The following CNTNAP5 variants were observed in gnomAD, a reference collection of about 807,000 sequenced individuals.
CNTNAP5 encodes contactin associated protein family member 5, also known as contactin-associated protein-like 5.
Under a neutral mutation model 150.2 loss-of-function variants are expected in CNTNAP5, and 72 were observed. The observed-to-expected ratio is 0.48, with a 90% CI of 0.40 to 0.58. CNTNAP5 has a LOEUF of 0.58. Ranked by LOEUF, CNTNAP5 falls within the 20% of genes least tolerant of loss-of-function variation. CNTNAP5 has a pLI of 0.00. For synonymous variants in CNTNAP5, 672 were observed against 619.8 expected (o/e 1.08, Z -1.25); for missense variants, 1,636 against 1,626.2 (o/e 1.01, Z -0.10).
chr2:124,503,354 A>T (rs1694320616), intron 7 of CNTNAP5, among the ~76,000 whole-genome samples: 1 of 152,214 alleles, frequency 6.6e-6, no homozygotes, highest in Admixed American at 6.5e-5. Context: ...TCTGGAACTG[A>T]GAACTGTACT....
chr2:124,768,210 T>C (rs554793414), intron 16 of CNTNAP5, among the ~76,000 whole-genome samples: 17 of 152,066 alleles, frequency 1.1e-4, no homozygotes, highest in Non-Finnish European at 5.9e-5. Context: ...TTTTTAAAAA[T>C]ACCTTGCAGA....
intron 10 of CNTNAP5, among the ~76,000 whole-genome samples, chr2:124,533,388 T>TGCATTTCTAAGAAATTC (rs1297874149): frequency 6.6e-6 from 1 of 152,168 alleles, no homozygotes; most frequent in Non-Finnish European, 1.5e-5. Flanking sequence ...CCTGGAAATT[T>TGCATTTCTAAGAAATTC]GCATTTCTAA....
chr2:124,489,014 C>T (rs1210277968), intron 7 of CNTNAP5, among the ~76,000 whole-genome samples: 1 of 152,170 alleles, frequency 6.6e-6, no homozygotes, highest in South Asian at 2.1e-4. Context: ...GATGTGGCTT[C>T]TCCAGTCAAT....
At position 124,044,298 on chromosome 2, in the gene CNTNAP5, A is replaced by T. The variant is rs991526798; in HGVS notation, c.82+18566A>T. ...AAATTTATGTTTAGAGTGTCCAAGT[A>T]ACTTTCTTAACTTTATACAATTATT... On this transcript the variant is annotated intron_variant, in intron 1 of 23. Coordinates refer to ENST00000682447, the MANE Select transcript of CNTNAP5 (RefSeq NM_001367498.1). Among the ~76,000 whole-genome samples the T allele has an allele frequency of 4.6e-5, 7 of 152,122 alleles. 1 individual carries two copies. Among genetic ancestry groups the T allele is most frequent in the Non-Finnish European group, 7.4e-5 (5 of 68,018 alleles).
At chr2:124,447,707 A>G (rs193003280) in intron 6 of CNTNAP5, among the ~76,000 whole-genome samples, 1 of 152,176 alleles carries the variant, frequency 6.6e-6, no homozygotes, top group South Asian at 2.1e-4. Flanking sequence ...TTATGTATTT[A>G]TATAGGAAAC....
intron 3 of CNTNAP5, among the ~76,000 whole-genome samples, chr2:124,253,164 C>T (rs1687228656): frequency 6.6e-6 from 1 of 151,764 alleles, no homozygotes; most frequent in Admixed American, 6.6e-5. Context: ...ATTTTTTTCT[C>T]ATTAATGTTA....
chr2:124,642,125 A>G (rs1389675849), intron 12 of CNTNAP5, among the ~76,000 whole-genome samples: 1 of 152,206 alleles, frequency 6.6e-6, no homozygotes, highest in South Asian at 2.1e-4. Context: ...GGTAGGTCAC[A>G]CAGAGATGCA....
chr2:124,862,149 A>G lies in CNTNAP5; in HGVS notation c.3218-3157A>G, dbSNP rs113764203. 4.0e-3 allele frequency among the ~76,000 whole-genome samples: 603 copies of G among 152,302 alleles called. 3 individuals are homozygous for G. Among genetic ancestry groups the G allele is most frequent in the African/African-American group, 0.013 (559 of 41,560 alleles). On this transcript the variant is annotated intron_variant, in intron 19 of 23. Coordinates refer to ENST00000682447, the MANE Select transcript of CNTNAP5 (RefSeq NM_001367498.1). ...TTTAAACTAAGTTTTATTTTAAGCTAAGGCTCAAATCTCTTTTATTGTTAA... is the reference window on the plus strand; with the variant it reads ...TTTAAACTAAGTTTTATTTTAAGCTGAGGCTCAAATCTCTTTTATTGTTAA...
At chr2:124,088,356 C>T (rs1258928638) in intron 1 of CNTNAP5, among the ~76,000 whole-genome samples, 1 of 151,796 alleles carries the variant, frequency 6.6e-6, no homozygotes, top group African/African-American at 2.4e-5. Flanking sequence ...CATTTGTTTC[C>T]AGCGTGTTCA....
chr2:124,389,538 T>C (rs1212312692), intron 3 of CNTNAP5, among the ~76,000 whole-genome samples: 1 of 152,232 alleles, frequency 6.6e-6, no homozygotes, highest in Non-Finnish European at 1.5e-5. Flanking sequence ...GTTTAACAAA[T>C]GAGTTAATTA....
intron 5 of CNTNAP5, among the ~76,000 whole-genome samples, chr2:124,442,900 A>G (rs1379910599): frequency 6.6e-6 from 1 of 152,176 alleles, no homozygotes; most frequent in Non-Finnish European, 1.5e-5. Context: ...TCAGAAATGC[A>G]CTTTTTTAAC....
At chr2:124,735,484 T>C (rs1411945580) in intron 13 of CNTNAP5, among the ~76,000 whole-genome samples, 3 of 152,138 alleles carry the variant, frequency 2.0e-5, no homozygotes, top group Admixed American at 2.0e-4. Flanking sequence ...ATAGATAGAC[T>C]AATACAGTTG....
At chr2:124,065,669 AAGGATC>A (rs1278311236) in intron 1 of CNTNAP5, among the ~76,000 whole-genome samples, 3 of 152,124 alleles carry the variant, frequency 2.0e-5, no homozygotes, top group African/African-American at 7.2e-5. Context: ...TAATAACACA[AAGGATC>A]CAAATTTAGA....
chr2:124,621,908 G>A (rs570534409), intron 12 of CNTNAP5, among the ~76,000 whole-genome samples: 7 of 152,210 alleles, frequency 4.6e-5, no homozygotes, highest in African/African-American at 1.7e-4. Context: ...ATTTGGTACT[G>A]GTATCTCCTT....
intron 1 of CNTNAP5, among the ~76,000 whole-genome samples, chr2:124,050,773 A>G (rs912372139): frequency 1.1e-4 from 17 of 152,192 alleles, no homozygotes; most frequent in Non-Finnish European, 2.1e-4. Flanking sequence ...CTGTATTTCA[A>G]TTGATCTGAA....
At chr2:124,620,745 GCACACACACACA>G (rs3039903) in intron 12 of CNTNAP5, among the ~76,000 whole-genome samples, 3 of 103,618 alleles carry the variant, frequency 2.9e-5, no homozygotes, top group African/African-American at 5.6e-5. Context: ...ACACACACAT[GCACACACACACA>G]CACACACACA....
At chr2:124,098,867 A>G (rs539280691) in intron 1 of CNTNAP5, among the ~76,000 whole-genome samples, 1 of 152,322 alleles carries the variant, frequency 6.6e-6, no homozygotes, top group African/African-American at 2.4e-5. Flanking sequence ...TATCACCTAC[A>G]TGAGGAAATT....
intron 12 of CNTNAP5, among the ~76,000 whole-genome samples, chr2:124,615,841 T>C (rs2104990639): frequency 1.3e-5 from 2 of 152,314 alleles, no homozygotes; most frequent in Middle Eastern, 3.4e-3. Flanking sequence ...GCAGAGTAAA[T>C]GTGATAGCAG....
intron 7 of CNTNAP5, among the ~76,000 whole-genome samples, chr2:124,477,656 ATTTTT>A (rs34441550): frequency 1.6e-5 from 2 of 127,478 alleles, no homozygotes; most frequent in African/African-American, 2.8e-5. Flanking sequence ...TGCTCATGAC[ATTTTT>A]TTTTTTTTTT....
Sources: gnomAD v4.1 joint callset for allele counts (sites outside exome capture counted in the v4.1 genomes callset) on GRCh38, gnomAD v4.1.1 for gene constraint, MANE v1.5 for transcripts, NCBI Gene and HGNC (gene_info 2026-07-23, HGNC 2026-07-21) for gene names.